NBL1: variants seen among roughly 807,000 people sequenced by gnomAD.
NBL1 encodes the protein NBL1, DAN family BMP antagonist, also known as neuroblastoma suppressor of tumorigenicity 1.
Under a neutral mutation model 16.0 loss-of-function variants are expected in NBL1, and 9 were observed. The ratio of observed to expected loss-of-function variants is 0.56; its 90% CI spans 0.34 to 0.98. The LOEUF (loss-of-function observed/expected upper bound fraction) is 0.98. NBL1 is among the 50% of genes least tolerant of loss of function. The pLI is 0.02. For missense variants in NBL1, 196 were observed against 243.1 expected (o/e 0.81, Z 1.29); for synonymous variants, 86 against 100.7 (o/e 0.85, Z 0.87).
Position 19,658,227 on chromosome 1 carries a change from C to G in NBL1, c.*1098C>G, listed in dbSNP as rs1194202237. The G allele has an allele frequency of 1.3e-5, 2 of 152,820 alleles. No individual in the cohort carries two copies. Among genetic ancestry groups the G allele is most frequent in the Non-Finnish European group, 2.9e-5 (2 of 68,206 alleles). The allele number at this position is 152,820 out of a possible 1,614,324, so 9.5% of individuals were successfully genotyped here. A position where few individuals can be genotyped will look rare whatever the true frequency, so the allele number is the denominator to read the frequency against. ...GCACTTTAACCCTAGAAGGTGGGGACCTGGGGGGAGGGACAGGGCAGGCGG... is the reference window on the plus strand; with the variant it reads ...GCACTTTAACCCTAGAAGGTGGGGAGCTGGGGGGAGGGACAGGGCAGGCGG... On this transcript the variant is annotated 3_prime_UTR_variant, in exon 4 of 4. Coordinates refer to ENST00000375136, the MANE Select transcript of NBL1 (RefSeq NM_005380.8).
At chr1:19,644,013 C>CG, upstream of NBL1, 1 of 984,930 alleles carries the variant, frequency 1.0e-6, no homozygotes, top group Non-Finnish European at 1.2e-6. This position sits in a 1 kb window ranked among gnomAD's most constrained non-coding sequence, Gnocchi z 4.6. Context: ...CGCTTAAGAA[C>CG]GGGCCAGGGC....
rs2094969220 is a variant in NBL1 at position 19,644,926 on chromosome 1, T to G, written c.-20+480T>G. ...CTCTCCGTCGCTCCGTTTCCGCCGC[T>G]CACTTTCCCCTGGTCTGCCCGTCTC... On this transcript the variant is annotated intron_variant, in intron 1 of 3. Transcript: ENST00000375136. This position sits in a 1 kb window ranked among gnomAD's most constrained non-coding sequence, Gnocchi z 4.6. Among the ~76,000 whole-genome samples, 1 of 152,058 alleles carries G rather than the reference T, an allele frequency of 6.6e-6. No individual in the cohort carries two copies. The highest frequency in any genetic ancestry group is 1.5e-5 in the Non-Finnish European group (1 of 67,998).
intron 1 of NBL1, among the ~76,000 whole-genome samples, chr1:19,645,090 C>T (rs2094970591): frequency 6.6e-6 from 1 of 152,208 alleles, no homozygotes; most frequent in Non-Finnish European, 1.5e-5. Context: ...TGATCCCCCG[C>T]CCTCCGATCC....
rs747074342 is a variant in NBL1 at position 19,656,955 on chromosome 1, C to A, written c.372C>A (p.Gly124=). The stretch of plus-strand genomic sequence containing the variant: ...TGCACTGTAGCTGCCAGGCCTGCGG[C>A]AAGGAGCCTAGTCACGAGGGGCTGA... ...KILHCSCQAC[G]KEPSHEGLSV... Residue 124 remains glycine, a synonymous_variant, in exon 4 of 4, where the codon GGC becomes GGA. Coordinates refer to ENST00000375136, the MANE Select transcript of NBL1 (RefSeq NM_005380.8). 6 of 1,612,560 alleles carry A rather than the reference C, an allele frequency of 3.7e-6. No homozygotes were observed. In the Admixed American group the frequency reaches 8.4e-5, roughly 22 times the overall value.
In NBL1 at chr1:19,657,227, C is replaced by T; in HGVS notation, c.*98C>T. ...GAGAAGCTGAAGCCCCCCTTTGGCA[C>T]TGGATGGACTTGGCTTCAGACTCGG... On this transcript the variant is annotated 3_prime_UTR_variant, in exon 4 of 4. Transcript: ENST00000375136. 1.7e-6 allele frequency: 1 copy of T among 605,586 alleles called. No individual in the cohort carries two copies. Among genetic ancestry groups the T allele is most frequent in the Non-Finnish European group, 2.9e-6 (1 of 344,660 alleles). The allele number at this position is 605,586 out of a possible 1,614,324, so 37.5% of individuals were successfully genotyped here.
At chr1:19,655,821 TAACAC>T (rs1312387148) in intron 3 of NBL1, among the ~76,000 whole-genome samples, 1 of 152,178 alleles carries the variant, frequency 6.6e-6, no homozygotes, top group Non-Finnish European at 1.5e-5. Context: ...GCTTGACGCT[TAACAC>T]AGCCACCTTC....
chr1:19,644,111 G>GGGGC (rs1558358088), upstream of NBL1: 1 of 974,760 alleles, frequency 1.0e-6, no homozygotes, highest in East Asian at 1.2e-4. The surrounding 1 kb of genome is among the most constrained non-coding windows in gnomAD (Gnocchi z 4.6). Flanking sequence ...AGCTCAGCCC[G>GGGGC]GGGCGGGCGG....
chr1:19,645,801 T>G (rs1465105324), intron 1 of NBL1: 26 of 1,441,904 alleles, frequency 1.8e-5, no homozygotes, highest in Non-Finnish European at 2.2e-5. Flanking sequence ...GTAGGTGTTC[T>G]GCATCGGCCA....
intron 1 of NBL1, among the ~76,000 whole-genome samples, chr1:19,653,440 G>T (rs1360434814): frequency 6.6e-6 from 1 of 152,182 alleles, no homozygotes; most frequent in Non-Finnish European, 1.5e-5. Flanking sequence ...TCTTCCTCCT[G>T]ATTTAGCCTC....
At chr1:19,655,654 C>T (rs1026218439) in intron 3 of NBL1, among the ~76,000 whole-genome samples, 6 of 152,218 alleles carry the variant, frequency 3.9e-5, no homozygotes, top group Admixed American at 2.0e-4. Flanking sequence ...GGGATGTTCC[C>T]GAAGTTCCAT....
upstream of NBL1, chr1:19,643,337 C>T (rs761221368): frequency 1.9e-5 from 30 of 1,613,912 alleles, no homozygotes; most frequent in Non-Finnish European, 2.5e-5. The surrounding 1 kb of genome is among the most constrained non-coding windows in gnomAD (Gnocchi z 4.7). Flanking sequence ...ATGAGTCAGA[C>T]AAGCAGGGCT....
At chr1:19,646,395 A>G (rs1332722614) in intron 1 of NBL1, among the ~76,000 whole-genome samples, 1 of 152,214 alleles carries the variant, frequency 6.6e-6, no homozygotes. Flanking sequence ...CCAGGCACAC[A>G]GAAAGCCAAT....
In NBL1 at chr1:19,655,131, G is replaced by T; in HGVS notation, c.101G>T (p.Trp34Leu). The T allele has an allele frequency of 6.2e-7, 1 of 1,611,886 alleles. No homozygotes were observed. The highest frequency in any genetic ancestry group is 8.5e-7 in the Non-Finnish European group (1 of 1,179,230). The change falls in exon 2 of 4, where the codon TGG (tryptophan) becomes TTG (leucine). Residue 34 changes from tryptophan (W) to leucine (L), a missense_variant. By Grantham distance (61) the Trp-to-Leu change is moderately conservative (BLOSUM62 -2). Coordinates refer to ENST00000375136, the MANE Select transcript of NBL1 (RefSeq NM_005380.8). ...GCACTGTTCCCAGATAAGAGTGCCTGGTGCGAAGCCAAGAACATCACCCAG... is the reference window on the plus strand; with the variant it reads ...GCACTGTTCCCAGATAAGAGTGCCTTGTGCGAAGCCAAGAACATCACCCAG... ...KLALFPDKSA[W>L]CEAKNITQIV...
intron 1 of NBL1, among the ~76,000 whole-genome samples, chr1:19,654,589 A>G (rs1201521014): frequency 6.6e-6 from 1 of 152,102 alleles, no homozygotes; most frequent in Non-Finnish European, 1.5e-5. Context: ...GGGAGAAAGG[A>G]GGTAGTAATT....
At chr1:19,652,035 G>A (rs1040648109) in intron 1 of NBL1, among the ~76,000 whole-genome samples, 8 of 152,174 alleles carry the variant, frequency 5.3e-5, no homozygotes, top group Admixed American at 5.2e-4. Context: ...GAGCCACCAT[G>A]CCTGGCCCAG....
At chr1:19,654,787 A>G (rs2095046768) in intron 1 of NBL1, among the ~76,000 whole-genome samples, 1 of 152,124 alleles carries the variant, frequency 6.6e-6, no homozygotes. Flanking sequence ...GGCTCATTTA[A>G]TATCTCATCT....
chr1:19,657,114 G>C lies in NBL1; in HGVS notation c.531G>C (p.Glu177Asp), dbSNP rs554698497. The C allele has an allele frequency of 6.9e-7, 1 of 1,455,246 alleles. No individual in the cohort carries two copies. The highest frequency in any genetic ancestry group is 1.3e-5 in the South Asian group (1 of 75,106). 90.1% of individuals were successfully genotyped at this position (1,455,246 alleles called of 1,614,324 possible). The change falls in exon 4 of 4, where the codon GAG (glutamate) becomes GAC (aspartate). Residue 177 changes from glutamate to aspartate, a missense_variant. Transcript: ENST00000375136. ...DPPGAPHTEE[E>D]GAED ...CTGGGGCCCCCCACACAGAGGAAGA[G>C]GGGGCTGAGGACTGAGGCCCCCCCA...
upstream of NBL1, chr1:19,644,223 C>T: frequency 1.0e-6 from 1 of 976,930 alleles, no homozygotes; most frequent in Non-Finnish European, 1.2e-6. The surrounding 1 kb of genome is among the most constrained non-coding windows in gnomAD (Gnocchi z 4.6). Flanking sequence ...GCGCGGCCCT[C>T]CCCGCTGCCC....
intron 1 of NBL1, among the ~76,000 whole-genome samples, chr1:19,649,788 A>C (rs986910879): frequency 1.3e-5 from 2 of 151,610 alleles, no homozygotes; most frequent in Admixed American, 1.3e-4. Context: ...CAGCCTCCCA[A>C]GTAGCTGGGA....
Sources: allele counts gnomAD v4.1 joint callset (sites outside exome capture counted in the v4.1 genomes callset), GRCh38; gene constraint gnomAD v4.1.1; non-coding constraint Gnocchi (gnomAD v3.1); transcripts MANE v1.5; gene names NCBI Gene and HGNC (gene_info 2026-07-23, HGNC 2026-07-21).